IL18R1: variants seen among roughly 807,000 people sequenced by gnomAD.
IL18R1 encodes interleukin 18 receptor 1, also known as interleukin-18 receptor 1.
A neutral mutation model predicts 48.5 loss-of-function variants in IL18R1; 40 were observed. The observed-to-expected ratio is 0.82, with a 90% CI of 0.64 to 1.07. The LOEUF (loss-of-function observed/expected upper bound fraction) is 1.07, where lower values mean the gene tolerates loss of function less well. IL18R1 is among the 50% of genes least tolerant of loss of function. The probability of loss-of-function intolerance (pLI) is 0.00; values close to 1 mark genes in which losing one functional copy is unlikely to be tolerated. For missense variants in IL18R1, 596 were observed against 633.7 expected (o/e 0.94, Z 0.64); for synonymous variants, 232 against 225.9 (o/e 1.03, Z -0.24).
chr2:102,370,039 G>A (rs529530798), intron 3 of IL18R1, among the ~76,000 whole-genome samples: 1 of 152,232 alleles, frequency 6.6e-6, no homozygotes, highest in African/African-American at 2.4e-5. Flanking sequence ...AGTGGGGGCT[G>A]GTGTTTATCC....
intron 2 of IL18R1, among the ~76,000 whole-genome samples, chr2:102,364,583 G>T (rs916510298): frequency 1.4e-4 from 22 of 152,146 alleles, no homozygotes; most frequent in African/African-American, 3.9e-4. Flanking sequence ...GTATAAAATA[G>T]AGATTGTATT....
At chr2:102,371,504 A>C (rs1679257872) in intron 3 of IL18R1, among the ~76,000 whole-genome samples, 1 of 152,204 alleles carries the variant, frequency 6.6e-6, no homozygotes, top group South Asian at 2.1e-4. Flanking sequence ...TTGCCTTGAG[A>C]AACAAAACCT....
intron 3 of IL18R1, among the ~76,000 whole-genome samples, chr2:102,371,371 T>C (rs1313502886): frequency 6.6e-6 from 1 of 152,158 alleles, no homozygotes; most frequent in Non-Finnish European, 1.5e-5. Flanking sequence ...TAACAACAAC[T>C]ATAAAATCTA....
At chr2:102,384,814 G>T in intron 6 of IL18R1, 64 bp from the exon 7 acceptor site, 1 of 1,578,900 alleles carries the variant, frequency 6.3e-7, no homozygotes, top group South Asian at 1.2e-5. Context: ...TGATTATATT[G>T]TTTTGAAACT....
rs1483307963 is a variant in IL18R1, at chr2:102,376,034, C to T, written c.596C>T (p.Thr199Ile). ...CATAATGGAAAACTATTTAATATCA[C>T]CAAAACCTTCAATATAACAATAGTG... ...LHHNGKLFNI[T>I]KTFNITIVED... Residue 199 changes from threonine to isoleucine, a missense_variant, in exon 5 of 11, where the codon ACC (threonine) becomes ATC (isoleucine). Thr to Ile is a moderately conservative substitution (Grantham distance 89). This residue lies in a region of IL18R1 where 360 missense variants were observed against 339.4 expected (regional missense o/e 1.06). Transcript: ENST00000233957. 1 of 1,597,510 alleles carries T rather than the reference C, an allele frequency of 6.3e-7. No individual in the cohort carries two copies. Among genetic ancestry groups the T allele is most frequent in the African/African-American group, 1.4e-5 (1 of 74,008 alleles).
rs1319638276 is a variant in IL18R1 at position 102,367,869 on chromosome 2, C to T, written c.103C>T (p.Pro35Ser). 5 of 1,613,730 alleles carry T rather than the reference C, an allele frequency of 3.1e-6. No homozygotes were observed. Among genetic ancestry groups the T allele is most frequent in the African/African-American group, 1.3e-5 (1 of 74,930 alleles). Residue 35 changes from proline to serine, a missense_variant, in exon 3 of 11, where the codon CCT (proline) becomes TCT (serine). This residue lies in a region of IL18R1 where 360 missense variants were observed against 339.4 expected (regional missense o/e 1.06). Coordinates refer to ENST00000233957, the MANE Select transcript of IL18R1 (RefSeq NM_003855.5). ...CCACATTACTGTGGTTGAAGGGGAACCTTTCTATCTGAAACATTGCTCGTG... is the reference window on the plus strand; with the variant it reads ...CCACATTACTGTGGTTGAAGGGGAATCTTTCTATCTGAAACATTGCTCGTG... The part of the protein sequence containing the change: ...RPHITVVEGE[P>S]FYLKHCSCSL...
intron 5 of IL18R1, among the ~76,000 whole-genome samples, chr2:102,378,309 C>A (rs1334786001): frequency 6.6e-6 from 1 of 152,178 alleles, no homozygotes; most frequent in East Asian, 1.9e-4. Flanking sequence ...GCCTCAGATT[C>A]CTCATCATGA....
At chr2:102,386,395 TTA>T (rs768988161) in intron 7 of IL18R1, among the ~76,000 whole-genome samples, 1 of 152,208 alleles carries the variant, frequency 6.6e-6, no homozygotes, top group Non-Finnish European at 1.5e-5. Flanking sequence ...GAGAACAGTG[TTA>T]TGTTTTTTAA....
intron 8 of IL18R1, 40 bp downstream of exon 8, chr2:102,387,040 C>A (rs531361076): frequency 7.5e-6 from 12 of 1,595,400 alleles, no homozygotes; most frequent in African/African-American, 1.4e-5. Context: ...AAACTTAGCT[C>A]ATTGCTACTG....
In IL18R1 at chr2:102,362,786, T is replaced by C. The variant is rs1003889459; in HGVS notation, c.58+68T>C. On this transcript the variant is annotated intron_variant, in intron 2 of 10. Transcript: ENST00000233957. ...TGAGGAAGAATGTCAAAGTTTTTTT[T>C]TTTATGTGGTGGCTACTGAAGATGC... 4 of 968,134 alleles carry C rather than the reference T, an allele frequency of 4.1e-6. No homozygotes were observed. In the Admixed American group the frequency reaches 9.6e-5, roughly 23 times the overall value. 60.0% of individuals were successfully genotyped at this position (968,134 alleles called of 1,614,324 possible).
Position 102,398,690 on chromosome 2 carries a change from C to T in IL18R1, c.*1804C>T, listed in dbSNP as rs1005312718. 7.9e-5 allele frequency: 12 copies of T among 152,322 alleles called. No individual in the cohort carries two copies. The highest frequency in any genetic ancestry group is 2.7e-4 in the African/African-American group (11 of 41,452). 9.4% of individuals were successfully genotyped at this position (152,322 alleles called of 1,614,324 possible). On this transcript the variant is annotated 3_prime_UTR_variant, in exon 11 of 11. Transcript: ENST00000233957. ...CTTGAAATATATTTTGCATTAAATGCATTTCAAGTTAAATGTCTTAAATGT... is the reference window on the plus strand; with the variant it reads ...CTTGAAATATATTTTGCATTAAATGTATTTCAAGTTAAATGTCTTAAATGT...
chr2:102,369,925 A>G (rs1042458162), intron 3 of IL18R1, among the ~76,000 whole-genome samples: 1 of 152,230 alleles, frequency 6.6e-6, no homozygotes, highest in Non-Finnish European at 1.5e-5. Flanking sequence ...GTTTTCAATG[A>G]TAGAGATGAA....
intron 2 of IL18R1, among the ~76,000 whole-genome samples, chr2:102,363,164 G>A (rs9308857): frequency 0.44 from 66,623 of 151,648 alleles, 16,400 homozygotes; most frequent in African/African-American, 0.66. Context: ...GATGTCAAAT[G>A]CCAATTTTAA....
At chr2:102,379,444 C>CA (rs112656218) in intron 5 of IL18R1, among the ~76,000 whole-genome samples, 20,439 of 100,264 alleles carry the variant, frequency 0.2, 2,353 homozygotes, top group African/African-American at 0.31. Flanking sequence ...GACTCGGTCT[C>CA]AAAAAAAAAA....
chr2:102,388,089 A>G (rs1035904836), intron 8 of IL18R1, among the ~76,000 whole-genome samples: 7 of 152,166 alleles, frequency 4.6e-5, no homozygotes, highest in African/African-American at 1.7e-4. Flanking sequence ...CCACACACAC[A>G]GACTGGGCCT....
rs564721217 is a variant in IL18R1, at chr2:102,357,055, C to A, written c.-29+655C>A. On this transcript the variant is annotated intron_variant, in intron 1 of 10. Coordinates refer to ENST00000233957, the MANE Select transcript of IL18R1 (RefSeq NM_003855.5). ...TACTGATTTTGTGTCATACACAGTG[C>A]TGCTATTGGGAGCACACCTCTCAAC... is the stretch of plus-strand genomic sequence containing the variant. Among the ~76,000 whole-genome samples the A allele has an allele frequency of 2.6e-5, 4 of 152,300 alleles. No homozygotes were observed. The South Asian group carries it at 8.3e-4, about 32-fold the overall frequency.
chr2:102,371,439 G>A (rs1223945600), intron 3 of IL18R1, among the ~76,000 whole-genome samples: 1 of 152,174 alleles, frequency 6.6e-6, no homozygotes, highest in African/African-American at 2.4e-5. Flanking sequence ...TACACTGAGG[G>A]CAGCAACTCC....
rs1485189126 is a variant in IL18R1, at chr2:102,398,473, T to G, written c.*1587T>G. 1 of 152,394 alleles carries G rather than the reference T, an allele frequency of 6.6e-6. No individual in the cohort carries two copies. Among genetic ancestry groups the G allele is most frequent in the Admixed American group, 6.5e-5 (1 of 15,290 alleles). The allele number at this position is 152,394 out of a possible 1,614,324, so 9.4% of individuals were successfully genotyped here. On this transcript the variant is annotated 3_prime_UTR_variant, in exon 11 of 11. Coordinates refer to ENST00000233957, the MANE Select transcript of IL18R1 (RefSeq NM_003855.5). ...CAGTGTAAGAATGTGATTTAATGTTTGTAGTGCTTACAATTTTGTGTACCA... is the reference window on the plus strand; with the variant it reads ...CAGTGTAAGAATGTGATTTAATGTTGGTAGTGCTTACAATTTTGTGTACCA...
chr2:102,379,473 A>G lies in IL18R1; in HGVS notation c.626-2147A>G, dbSNP rs188303235. Among the ~76,000 whole-genome samples, 156 of 151,200 alleles carry G rather than the reference A, an allele frequency of 1.0e-3. 1 individual carries two copies. The highest frequency in any genetic ancestry group is 1.7e-3 in the Non-Finnish European group (112 of 67,768). On this transcript the variant is annotated intron_variant, in intron 5 of 10. Coordinates refer to ENST00000233957, the MANE Select transcript of IL18R1 (RefSeq NM_003855.5). ...AAAAAAAAAAAAAAAAAAAGGAAAG[A>G]AATGAATACCCTAAGACTCAGGGAA... is the stretch of plus-strand genomic sequence containing the variant.
Sources: allele counts gnomAD v4.1 joint callset (sites outside exome capture counted in the v4.1 genomes callset), GRCh38; gene constraint gnomAD v4.1.1; regional missense constraint gnomAD v4.1.1; transcripts MANE v1.5; gene names NCBI Gene and HGNC (gene_info 2026-07-23, HGNC 2026-07-21).